The following KANSL2 variants were observed in gnomAD, a reference collection of about 807,000 sequenced individuals.
The protein encoded by KANSL2 is KAT8 regulatory NSL complex subunit 2.
In KANSL2, 34 loss-of-function variants were observed where a neutral mutation model predicts 55.6. The observed-to-expected ratio is 0.61, with a 90% CI of 0.46 to 0.81. The LOEUF (loss-of-function observed/expected upper bound fraction) is 0.81. Ranked by LOEUF, KANSL2 falls within the 40% of genes least tolerant of loss-of-function variation. The pLI is 0.00. For synonymous variants in KANSL2, 209 were observed against 214.3 expected (o/e 0.98, Z 0.22); for missense variants, 502 against 609.9 (o/e 0.82, Z 1.86).
Position 48,679,894 on chromosome 12 carries a change from A to C in KANSL2, c.252-61T>G, listed in dbSNP as rs1592110825. On this transcript the variant is annotated intron_variant, in intron 2 of 9. Transcript: ENST00000420613. ...TTCTTGAAAGCGTTCAATAATGTTCACAGTCCCTAATCTTTAAATCATTTT... is the reference window on the plus strand; with the variant it reads ...TTCTTGAAAGCGTTCAATAATGTTCCCAGTCCCTAATCTTTAAATCATTTT... 13 of 1,307,262 alleles carry C rather than the reference A, an allele frequency of 9.9e-6. No homozygotes were observed. In the Middle Eastern group the frequency reaches 1.0e-3, roughly 102 times the overall value. 81.0% of individuals were successfully genotyped at this position (1,307,262 alleles called of 1,614,324 possible). A position where few individuals can be genotyped will look rare whatever the true frequency, so the allele number is the denominator to read the frequency against.
intron 4 of KANSL2, among the ~76,000 whole-genome samples, chr12:48,672,395 A>ATACATGTATATATACG (rs1939734429): frequency 7.4e-6 from 1 of 135,696 alleles, no homozygotes; most frequent in African/African-American, 2.8e-5. Flanking sequence ...ATATACATGT[A>ATACATGTATATATACG]TATATATATA....
intron 7 of KANSL2, among the ~76,000 whole-genome samples, chr12:48,662,032 A>C (rs747102318): frequency 1.3e-5 from 2 of 152,268 alleles, no homozygotes; most frequent in Non-Finnish European, 1.5e-5. Context: ...TATGCGCTTA[A>C]GAAAATCTAA....
intron 5 of KANSL2, among the ~76,000 whole-genome samples, chr12:48,670,087 G>C (rs1939681300): frequency 6.6e-6 from 1 of 151,558 alleles, no homozygotes; most frequent in Non-Finnish European, 1.5e-5. Flanking sequence ...TATAGTCCCA[G>C]TTACTCAGGA....
At chr12:48,682,059 T>C (rs1033062006) in intron 1 of KANSL2, 128 bp downstream of exon 1, 1 of 702,880 alleles carries the variant, frequency 1.4e-6, no homozygotes, top group Non-Finnish European at 2.6e-6. Context: ...TCCTGGCTCC[T>C]GGAAGCCTGC....
chr12:48,672,480 G>A (rs947943801), intron 4 of KANSL2, among the ~76,000 whole-genome samples: 4 of 145,658 alleles, frequency 2.7e-5, no homozygotes, highest in African/African-American at 1.0e-4. Flanking sequence ...AGGATGGAGT[G>A]CAGTGGTGCA....
At chr12:48,676,459 G>A (rs1939823418) in intron 4 of KANSL2, among the ~76,000 whole-genome samples, 1 of 152,034 alleles carries the variant, frequency 6.6e-6, no homozygotes, top group Non-Finnish European at 1.5e-5. Flanking sequence ...AGGAGTTCAA[G>A]ACCAGCCTGC....
chr12:48,681,860 C>G, intron 1 of KANSL2: 1 of 705,596 alleles, frequency 1.4e-6, no homozygotes. Context: ...AACCACACCA[C>G]GCTGAATGTA....
intron 7 of KANSL2, among the ~76,000 whole-genome samples, chr12:48,665,905 T>C (rs1939588604): frequency 6.6e-6 from 1 of 152,184 alleles, no homozygotes; most frequent in Non-Finnish European, 1.5e-5. Flanking sequence ...GCACAGTGAC[T>C]AAGTGTTATC....
chr12:48,660,709 T>C, intron 7 of KANSL2, 90 bp from the exon 8 acceptor site: 1 of 1,270,868 alleles, frequency 7.9e-7, no homozygotes, highest in Non-Finnish European at 1.1e-6. Context: ...ACTCAAGGTG[T>C]GGACTATATA....
At chr12:48,681,740 C>A in intron 1 of KANSL2, 99 bp from the exon 2 acceptor site, 2 of 1,489,592 alleles carry the variant, frequency 1.3e-6, no homozygotes, top group South Asian at 1.1e-5. Flanking sequence ...ATGCAGAAGT[C>A]GTCCCCGTAA....
At chr12:48,676,663 A>G (rs1300912032) in intron 4 of KANSL2, among the ~76,000 whole-genome samples, 1 of 152,176 alleles carries the variant, frequency 6.6e-6, no homozygotes, top group Non-Finnish European at 1.5e-5. Flanking sequence ...CGTGTCAAAA[A>G]AAAAAAGTGC....
At chr12:48,669,368 A>G in intron 5 of KANSL2, 96 bp from the exon 6 acceptor site, 1 of 985,332 alleles carries the variant, frequency 1.0e-6, no homozygotes. Context: ...TGGGCATAAG[A>G]TAGGCAGTTT....
At chr12:48,673,145 T>A (rs1310513313) in intron 4 of KANSL2, among the ~76,000 whole-genome samples, 1 of 152,202 alleles carries the variant, frequency 6.6e-6, no homozygotes, top group Non-Finnish European at 1.5e-5. Flanking sequence ...CTATACCCTG[T>A]CCTCAGCTAA....
chr12:48,680,768 G>A (rs560508926), intron 2 of KANSL2, among the ~76,000 whole-genome samples: 92 of 152,096 alleles, frequency 6.0e-4, no homozygotes, highest in African/African-American at 2.2e-3. Context: ...CCTGAGGTCA[G>A]CAGTTCAAAA....
intron 3 of KANSL2, 33 bp from the exon 4 acceptor site, chr12:48,679,183 C>T: frequency 7.2e-7 from 1 of 1,379,594 alleles, no homozygotes; most frequent in Non-Finnish European, 1.0e-6. Flanking sequence ...GCCATTAAGA[C>T]TTCCCACCTC....
At position 48,654,541 on chromosome 12, in the gene KANSL2, G is replaced by A. The variant is rs538115576; in HGVS notation, c.1348-366C>T. On this transcript the variant is annotated intron_variant, in intron 9 of 9. Coordinates refer to ENST00000420613, the MANE Select transcript of KANSL2 (RefSeq NM_017822.4). ...CACTGGAATTCTACCCAAGGCTCACGGACAGAACTCAAATCACATTACTTT... is the reference window on the plus strand; with the variant it reads ...CACTGGAATTCTACCCAAGGCTCACAGACAGAACTCAAATCACATTACTTT... 4.5e-4 allele frequency: 276 copies of A among 612,844 alleles called. 8 individuals carry two copies. Among genetic ancestry groups the A allele is most frequent in the South Asian group, 3.5e-3 (254 of 72,212 alleles). 38.0% of individuals were successfully genotyped at this position (612,844 alleles called of 1,614,324 possible). A position where few individuals can be genotyped will look rare whatever the true frequency, so the allele number is the denominator to read the frequency against.
intron 4 of KANSL2, among the ~76,000 whole-genome samples, chr12:48,672,431 A>ATT (rs1449179261): frequency 0.017 from 1,904 of 114,810 alleles, 43 homozygotes; most frequent in African/African-American, 0.039. Flanking sequence ...ATATATATAT[A>ATT]TATTTTTTTT....
chr12:48,681,118 TAAAAAAAAAAA>T (rs1057233108), intron 2 of KANSL2: 51 of 131,366 alleles, frequency 3.9e-4, no homozygotes, highest in African/African-American at 1.7e-3. Context: ...CCATCTCTCT[TAAAAAAAAAAA>T]AAAAAAAAAA....
At chr12:48,661,147 T>C (rs191040179) in intron 7 of KANSL2, 1 of 591,296 alleles carries the variant, frequency 1.7e-6, no homozygotes, top group African/African-American at 2.0e-5. Context: ...AGAGCTCTAG[T>C]AAAAGTCACT....
Sources: allele counts gnomAD v4.1 joint callset (sites outside exome capture counted in the v4.1 genomes callset), GRCh38; gene constraint gnomAD v4.1.1; transcripts MANE v1.5; gene names NCBI Gene and HGNC (gene_info 2026-07-23, HGNC 2026-07-21).